PROC: variants seen among roughly 807,000 people sequenced by gnomAD.
PROC encodes vitamin K-dependent protein C.
A neutral mutation model predicts 36.3 loss-of-function variants in PROC; 22 were observed. That is an observed-to-expected ratio of 0.61 (90% CI 0.43 to 0.86). PROC has a LOEUF of 0.86. Ranked by LOEUF, PROC falls within the 40% of genes least tolerant of loss-of-function variation. The pLI, the probability that PROC is intolerant of heterozygous loss-of-function variation, is 0.00. For missense variants in PROC, 526 were observed against 629.7 expected, an observed-to-expected ratio of 0.84 and a Z score of 1.76; for synonymous variants, 218 against 244.5, an observed-to-expected ratio of 0.89 and a Z score of 1.01.
In PROC at chr2:127,425,790, G is replaced by A. The variant is rs573129247; in HGVS notation, c.536-295G>A. On this transcript the variant is annotated intron_variant, in intron 6 of 8. Coordinates refer to ENST00000234071, the MANE Select transcript of PROC (RefSeq NM_000312.4). Reference sequence around the variant, plus strand: ...TCAGGGATTACCCCCAACAGCCCTGGGGTACAATGAGCCTTCAAGAAGTTT... The same window carrying A: ...TCAGGGATTACCCCCAACAGCCCTGAGGTACAATGAGCCTTCAAGAAGTTT... 2.6e-5 allele frequency among the ~76,000 whole-genome samples: 4 copies of A among 152,068 alleles called. No homozygotes were observed. In the South Asian group the frequency reaches 8.3e-4, roughly 32 times the overall value.
intron 6 of PROC, among the ~76,000 whole-genome samples, chr2:127,425,846 G>A (rs1688459993): frequency 6.6e-6 from 1 of 152,198 alleles, no homozygotes; most frequent in African/African-American, 2.4e-5. Context: ...ACAGCCAGTG[G>A]GTGATGCTGC....
intron 6 of PROC, among the ~76,000 whole-genome samples, chr2:127,425,822 C>T (rs1688457785): frequency 6.6e-6 from 1 of 152,142 alleles, no homozygotes; most frequent in Admixed American, 6.5e-5. Flanking sequence ...GTTTAACAAC[C>T]TATGTAAGGA....
At chr2:127,424,076 C>T (rs1688318910) in intron 6 of PROC, among the ~76,000 whole-genome samples, 1 of 152,080 alleles carries the variant, frequency 6.6e-6, no homozygotes, top group Non-Finnish European at 1.5e-5. Flanking sequence ...TCTACAATCT[C>T]CCCTTTACTT....
chr2:127,419,810 C>G, intron 1 of PROC, 112 bp from the exon 2 acceptor site: 1 of 1,572,522 alleles, frequency 6.4e-7, no homozygotes, highest in Non-Finnish European at 8.6e-7. Flanking sequence ...TCCCAGCTTC[C>G]GCCCTGACGG....
rs1318467441 is a variant in PROC, at chr2:127,423,267, C to A, written c.401-7C>A. 2 of 1,545,170 alleles carry A rather than the reference C, an allele frequency of 1.3e-6. No individual in the cohort carries two copies. Among genetic ancestry groups the A allele is most frequent in the Non-Finnish European group, 1.7e-6 (2 of 1,145,100 alleles). On this transcript the variant is annotated splice_polypyrimidine_tract_variant and splice_region_variant and intron_variant, in intron 5 of 8. Transcript: ENST00000234071. ...CACCAGCTGCCCGCGCCCTCCCCTGCCCGCAGAGGTGAGCTTCCTCAATTG... is the reference window on the plus strand; with the variant it reads ...CACCAGCTGCCCGCGCCCTCCCCTGACCGCAGAGGTGAGCTTCCTCAATTG...
rs780286813 is a variant in PROC at position 127,428,412 on chromosome 2, G to A, written c.852G>A (p.Glu284=). ...GGGAGCTGGACCTGGACATCAAGGA[G>A]GTCTTCGTCCACCCCAACTACAGCA... ...EKWELDLDIK[E]VFVHPNYSKS... Residue 284 remains glutamate (E), a synonymous_variant, in exon 9 of 9, where the codon GAG becomes GAA. Coordinates refer to ENST00000234071, the MANE Select transcript of PROC (RefSeq NM_000312.4). 9.9e-6 allele frequency: 16 copies of A among 1,614,042 alleles called. No homozygotes were observed. Among genetic ancestry groups the A allele is most frequent in the Non-Finnish European group, 1.4e-5 (16 of 1,180,036 alleles).
rs1394299461 is a variant in PROC, at chr2:127,423,110, C to T, written c.339C>T (p.Asp113=). Residue 113 remains aspartate, a synonymous_variant, in exon 5 of 9, where the codon GAC becomes GAT. Coordinates refer to ENST00000234071, the MANE Select transcript of PROC (RefSeq NM_000312.4). ...GCTGCGGGCACGGCACGTGCATCGA[C>T]GGCATCGGCAGCTTCAGCTGCGACT... is the stretch of plus-strand genomic sequence containing the variant. The part of the protein sequence containing the change: ...SLCCGHGTCI[D]GIGSFSCDCR... 1.9e-6 allele frequency: 3 copies of T among 1,608,662 alleles called. No individual in the cohort carries two copies. Among genetic ancestry groups the T allele is most frequent in the East Asian group, 2.2e-5 (1 of 44,626 alleles).
intron 8 of PROC, among the ~76,000 whole-genome samples, chr2:127,427,571 C>G (rs1421477991): frequency 6.6e-6 from 1 of 152,180 alleles, no homozygotes. Context: ...CCAGCAAGGC[C>G]TGGCCTCAGG....
chr2:127,423,585 C>G, intron 6 of PROC, 177 bp downstream of exon 6: 2 of 817,280 alleles, frequency 2.4e-6, no homozygotes, highest in South Asian at 4.4e-5. Flanking sequence ...TTAGCGCAAT[C>G]AGCCCGGGAG....
In PROC at chr2:127,426,096, T is replaced by C. The variant is rs748920874; in HGVS notation, c.547T>C (p.Cys183Arg). Residue 183 changes from cysteine (C) to arginine (R), a missense_variant, in exon 7 of 9, where the codon TGT (cysteine) becomes CGT (arginine). By Grantham distance (180) the Cys-to-Arg change is radical. Transcript: ENST00000234071. This position sits in a 1 kb window ranked among gnomAD's most constrained non-coding sequence, Gnocchi z 7.0. ...LQCHPAVKFP[C>R]GRPWKRMEKK... ...TCTGCCTACCTCAGTGAAGTTCCCT[T>C]GTGGGAGGCCCTGGAAGCGGATGGA... 6.2e-7 allele frequency: 1 copy of C among 1,613,934 alleles called. No individual in the cohort carries two copies. Among genetic ancestry groups the C allele is most frequent in the Non-Finnish European group, 8.5e-7 (1 of 1,179,974 alleles).
In PROC at chr2:127,418,621, A is replaced by T. The variant is rs951446393; in HGVS notation, c.-22+129A>T. The T allele has an allele frequency of 1.7e-5, 13 of 751,374 alleles. No homozygotes were observed. In the African/African-American group the frequency reaches 2.4e-4, roughly 14 times the overall value. 46.5% of individuals were successfully genotyped at this position (751,374 alleles called of 1,614,324 possible). On this transcript the variant is annotated intron_variant, in intron 1 of 8. Coordinates refer to ENST00000234071, the MANE Select transcript of PROC (RefSeq NM_000312.4). The surrounding 1 kb of genome is among the most constrained non-coding windows in gnomAD (Gnocchi z 4.8). ...CTCAACAAGCCTGAGCTTGGGGTGAAAGGACACAAGGCCCTCCACAGGCCA... is the reference window on the plus strand; with the variant it reads ...CTCAACAAGCCTGAGCTTGGGGTGATAGGACACAAGGCCCTCCACAGGCCA...
At chr2:127,422,999 T>C (rs1226797408) in intron 4 of PROC, 35 bp from the exon 5 acceptor site, 2 of 1,612,478 alleles carry the variant, frequency 1.2e-6, no homozygotes, top group South Asian at 2.2e-5. Context: ...TCGGGATCTC[T>C]GGCCGCTGAC....
In PROC at chr2:127,428,480, A is replaced by G; in HGVS notation, c.920A>G (p.Gln307Arg). The change falls in exon 9 of 9, where the codon CAG becomes CGG. Residue 307 changes from glutamine to arginine, a missense_variant. By Grantham distance (43) the Gln-to-Arg change is conservative (BLOSUM62 1). Transcript: ENST00000234071. ...DNDIALLHLA[Q>R]PATLSQTIVP... Reference sequence around the variant, plus strand: ...GACATCGCACTGCTGCACCTGGCCCAGCCCGCCACCCTCTCGCAGACCATA... The same window carrying G: ...GACATCGCACTGCTGCACCTGGCCCGGCCCGCCACCCTCTCGCAGACCATA... The G allele has an allele frequency of 6.2e-7, 1 of 1,614,076 alleles. No homozygotes were observed. Among genetic ancestry groups the G allele is most frequent in the Non-Finnish European group, 8.5e-7 (1 of 1,180,008 alleles).
Position 127,426,660 on chromosome 2 carries a change from C to A in PROC, c.678+433C>A. 3.0e-6 allele frequency: 1 copy of A among 329,246 alleles called. No homozygotes were observed. Among genetic ancestry groups the A allele is most frequent in the South Asian group, 2.8e-5 (1 of 35,822 alleles). 20.4% of individuals were successfully genotyped at this position (329,246 alleles called of 1,614,324 possible). A position where few individuals can be genotyped will look rare whatever the true frequency, so the allele number is the denominator to read the frequency against. ...AGGAACCAACAAGTGGGAGTATTTGCCCTGGGGACTCAGACTCTGCAAGGG... is the reference window on the plus strand; with the variant it reads ...AGGAACCAACAAGTGGGAGTATTTGACCTGGGGACTCAGACTCTGCAAGGG... On this transcript the variant is annotated intron_variant, in intron 7 of 8. Transcript: ENST00000234071. The surrounding 1 kb of genome is among the most constrained non-coding windows in gnomAD (Gnocchi z 7.0).
chr2:127,420,143 C>T (rs1238731675), intron 2 of PROC, 131 bp downstream of exon 2: 8 of 1,105,438 alleles, frequency 7.2e-6, no homozygotes, highest in Non-Finnish European at 1.1e-5. Flanking sequence ...ATGGGAATGG[C>T]AGGAATCAAC....
At chr2:127,423,853 C>T (rs1011805043) in intron 6 of PROC, among the ~76,000 whole-genome samples, 1 of 152,348 alleles carries the variant, frequency 6.6e-6, no homozygotes, top group African/African-American at 2.4e-5. Flanking sequence ...AACAGAATCC[C>T]GATTCTGCCT....
chr2:127,427,027 G>A (rs201632418), intron 7 of PROC, 78 bp from the exon 8 acceptor site: 100 of 1,225,284 alleles, frequency 8.2e-5, no homozygotes, highest in Admixed American at 5.0e-5. Context: ...CCAGGAAAGT[G>A]CATATGAAAC....
intron 3 of PROC, 29 bp from the exon 4 acceptor site, chr2:127,422,888 G>T (rs1189853206): frequency 6.4e-7 from 1 of 1,551,794 alleles, no homozygotes; most frequent in Non-Finnish European, 8.7e-7. Flanking sequence ...CCGGCTGCAG[G>T]AGCCTGACGC....
At position 127,421,329 on chromosome 2, in the gene PROC, C is replaced by A. The variant is rs1163991795; in HGVS notation, c.117C>A (p.Ile39=). The A allele has an allele frequency of 1.2e-6, 2 of 1,613,772 alleles. No homozygotes were observed. Among genetic ancestry groups the A allele is most frequent in the Non-Finnish European group, 1.7e-6 (2 of 1,179,916 alleles). Residue 39 remains isoleucine, a synonymous_variant, in exon 3 of 9, where the codon ATC becomes ATA. Coordinates refer to ENST00000234071, the MANE Select transcript of PROC (RefSeq NM_000312.4). The part of the protein sequence containing the change: ...SSERAHQVLR[I]RKRANSFLEE... The stretch of plus-strand genomic sequence containing the variant: ...AGCGTGCCCACCAGGTGCTGCGGAT[C>A]CGCAAACGTGCCAACTCCTTCCTGG...
Sources: gnomAD v4.1 joint callset for allele counts (sites outside exome capture counted in the v4.1 genomes callset) on GRCh38, gnomAD v4.1.1 for gene constraint, Gnocchi (gnomAD v3.1) non-coding constraint, MANE v1.5 for transcripts, NCBI Gene and HGNC (gene_info 2026-07-23, HGNC 2026-07-21) for gene names.